IDUA: variants seen among roughly 807,000 people sequenced by gnomAD.
IDUA encodes the protein alpha-L-iduronidase, also known as iduronidase alpha-L-.
A neutral mutation model predicts 68.9 loss-of-function variants in IDUA; 65 were observed. The observed-to-expected ratio is 0.94, with a 90% CI of 0.77 to 1.16. The LOEUF (loss-of-function observed/expected upper bound fraction) is 1.16, where lower values mean the gene tolerates loss of function less well. Ranked by LOEUF, IDUA falls within the 50% of genes most tolerant of loss-of-function variation. IDUA has a pLI of 0.00. For missense variants in IDUA, 1,046 were observed against 938.0 expected, an observed-to-expected ratio of 1.12 and a Z score of -1.50; for synonymous variants, 529 against 433.6, an observed-to-expected ratio of 1.22 and a Z score of -2.73.
At chr4:988,419 C>T (rs749751376) in intron 2 of IDUA, 34 of 1,064,818 alleles carry the variant, frequency 3.2e-5, no homozygotes, top group Non-Finnish European at 3.7e-5. Flanking sequence ...TGGCCAGAGC[C>T]GCTGGCTCCT....
intron 2 of IDUA, chr4:988,623 G>A (rs1187346453): frequency 1.5e-6 from 2 of 1,379,108 alleles, no homozygotes; most frequent in Non-Finnish European, 1.9e-6. Flanking sequence ...CTCGGAGGCA[G>A]AGGTTCTTGA....
At chr4:1,002,527 G>A (rs1715159077) in intron 8 of IDUA, 42 bp downstream of exon 8, 1 of 1,432,462 alleles carries the variant, frequency 7.0e-7, no homozygotes, top group Non-Finnish European at 9.1e-7. Flanking sequence ...GGGCCCTCCA[G>A]GCTGGGGAGC....
At chr4:993,327 G>C (rs1714515771) in intron 2 of IDUA, 1 of 152,246 alleles carries the variant, frequency 6.6e-6, no homozygotes, top group South Asian at 2.1e-4. Context: ...AGGCGCGGAG[G>C]GCCCTGGGAT....
At chr4:987,043 C>A, upstream of IDUA, 2 of 1,511,940 alleles carry the variant, frequency 1.3e-6, no homozygotes, top group Non-Finnish European at 8.8e-7. Context: ...GCGGAACCGG[C>A]AGTGCAGCCC....
At chr4:991,912 G>C in intron 2 of IDUA, 1 of 1,071,192 alleles carries the variant, frequency 9.3e-7, no homozygotes, top group Non-Finnish European at 1.4e-6. Flanking sequence ...TGGACGCTGG[G>C]CCCTGCTGGA....
chr4:997,409 C>A (rs1347842733), intron 2 of IDUA, among the ~76,000 whole-genome samples: 1 of 150,632 alleles, frequency 6.6e-6, no homozygotes, highest in African/African-American at 2.4e-5. Context: ...CGCCTGCGAA[C>A]CCCCATGCAC....
chr4:998,320 G>A (rs1714867467), intron 2 of IDUA, among the ~76,000 whole-genome samples: 2 of 152,204 alleles, frequency 1.3e-5, no homozygotes, highest in African/African-American at 2.4e-5. Flanking sequence ...GAAGGGAGGC[G>A]TTGAGGTGTC....
In IDUA at chr4:987,132, G is replaced by A; in HGVS notation, c.48G>A (p.Ser16=). The change falls in exon 1 of 14, where the codon TCG becomes TCA. Residue 16 remains serine, a synonymous_variant. Coordinates refer to ENST00000514224, the MANE Select transcript of IDUA (RefSeq NM_000203.5). ...CCGCGCTGCTGGCGCTCCTGGCCTC[G>A]CTCCTGGCCGCGCCCCCGGTGGCCC... ...PRAALLALLA[S]LLAAPPVAPA... 2 of 1,412,374 alleles carry A rather than the reference G, an allele frequency of 1.4e-6. No homozygotes were observed. The highest frequency in any genetic ancestry group is 3.0e-5 in the South Asian group (2 of 66,528). The allele number at this position is 1,412,374 out of a possible 1,614,324, so 87.5% of individuals were successfully genotyped here.
chr4:997,288 C>A (rs934551159), intron 2 of IDUA, among the ~76,000 whole-genome samples: 4 of 151,732 alleles, frequency 2.6e-5, no homozygotes, highest in Non-Finnish European at 3.0e-5. Flanking sequence ...GGTCTGTACC[C>A]GCCCCGCGCC....
chr4:999,345 G>A (rs955467089), intron 2 of IDUA, among the ~76,000 whole-genome samples: 1 of 152,184 alleles, frequency 6.6e-6, no homozygotes, highest in Admixed American at 6.5e-5. Context: ...CATATCCCAT[G>A]ATATCCACCC....
chr4:987,640 G>A lies in IDUA; in HGVS notation c.159-169G>A, dbSNP rs1199147350. On this transcript the variant is annotated intron_variant, in intron 1 of 13. Coordinates refer to ENST00000514224, the MANE Select transcript of IDUA (RefSeq NM_000203.5). ...TACTGCTGCTGCCGTTCCCCATGAA[G>A]ATGGGACCTCCCCACATTCCTGGCC... 4.1e-6 allele frequency: 6 copies of A among 1,451,382 alleles called. No homozygotes were observed. The South Asian group carries it at 5.6e-5, about 14-fold the overall frequency. 89.9% of individuals were successfully genotyped at this position (1,451,382 alleles called of 1,614,324 possible).
At chr4:1,002,633 A>C in intron 8 of IDUA, 99 bp from the exon 9 acceptor site, 2 of 1,169,020 alleles carry the variant, frequency 1.7e-6, no homozygotes, top group Non-Finnish European at 1.2e-6. Flanking sequence ...GGACTCCTTC[A>C]CCAAGGGGAG....
chr4:1,003,354 G>A lies in IDUA; in HGVS notation c.1534G>A (p.Ala512Thr), dbSNP rs1165554910. 2 of 1,457,148 alleles carry A rather than the reference G, an allele frequency of 1.4e-6. No individual in the cohort carries two copies. Among genetic ancestry groups the A allele is most frequent in the Middle Eastern group, 2.4e-4 (1 of 4,086 alleles). The allele number at this position is 1,457,148 out of a possible 1,614,324, so 90.3% of individuals were successfully genotyped here. A position where few individuals can be genotyped will look rare whatever the true frequency, so the allele number is the denominator to read the frequency against. ...CGGCCACTGCGCCCAGGACCCGGTG[G>A]CCGCGGCGCCCCGCCCCTTACCCGC... is the stretch of plus-strand genomic sequence containing the variant. Reference protein sequence around the residue: ...RRMRAAEDPVAAAPRPLPAGG... With the variant: ...RRMRAAEDPVTAAPRPLPAGG... Residue 512 changes from alanine (A) to threonine (T), a missense_variant, in exon 11 of 14, where the codon GCC (alanine) becomes ACC (threonine). Ala to Thr is a moderately conservative substitution (Grantham distance 58). Coordinates refer to ENST00000514224, the MANE Select transcript of IDUA (RefSeq NM_000203.5).
intron 9 of IDUA, 33 bp downstream of exon 9, chr4:1,002,977 C>T (rs773632239): frequency 1.4e-6 from 2 of 1,389,612 alleles, no homozygotes; most frequent in African/African-American, 1.5e-5. Context: ...TCTCTGGCCC[C>T]GCTGGGGCTC....
At position 1,002,897 on chromosome 4, in the gene IDUA, G is replaced by T. The variant is rs757952110; in HGVS notation, c.1355G>T (p.Arg452Leu). The T allele has an allele frequency of 1.4e-6, 2 of 1,416,236 alleles. No individual in the cohort carries two copies. The highest frequency in any genetic ancestry group is 1.5e-5 in the African/African-American group (1 of 66,548). The allele number at this position is 1,416,236 out of a possible 1,614,324, so 87.7% of individuals were successfully genotyped here. A position where few individuals can be genotyped will look rare whatever the true frequency, so the allele number is the denominator to read the frequency against. Reference sequence around the variant, plus strand: ...GACGACACCCGCGCCCACCCCAACCGCAGCGTCGCGGTGACCCTGCGGCTG... The same window carrying T: ...GACGACACCCGCGCCCACCCCAACCTCAGCGTCGCGGTGACCCTGCGGCTG... ...ASDDTRAHPN[R>L]SVAVTLRLRG... Residue 452 changes from arginine to leucine, a missense_variant, in exon 9 of 14, where the codon CGC becomes CTC. Coordinates refer to ENST00000514224, the MANE Select transcript of IDUA (RefSeq NM_000203.5).
rs114806891 is a variant in IDUA at position 1,002,080 on chromosome 4, C to T, written c.891C>T (p.Asn297=). The change falls in exon 7 of 14, where the codon AAC becomes AAT. Residue 297 remains asparagine, a synonymous_variant. Coordinates refer to ENST00000514224, the MANE Select transcript of IDUA (RefSeq NM_000203.5). Reference sequence around the variant, plus strand: ...AGTTCGCGGACACCCCCATTTACAACGACGAGGCGGACCCGCTGGTGGGCT... The same window carrying T: ...AGTTCGCGGACACCCCCATTTACAATGACGAGGCGGACCCGCTGGTGGGCT... ...FPKFADTPIY[N]DEADPLVGWS... 94,595 of 1,584,762 alleles carry T rather than the reference C, an allele frequency of 0.06. 3,099 individuals carry two copies. The highest frequency in any genetic ancestry group is 0.15 in the Middle Eastern group (881 of 6,024).
intron 2 of IDUA, chr4:991,275 C>T (rs778985532): frequency 5.6e-6 from 9 of 1,612,582 alleles, no homozygotes; most frequent in Non-Finnish European, 7.6e-6. Context: ...CAAAGCCGGC[C>T]AGCTGGAGCT....
chr4:1,002,616 G>C, intron 8 of IDUA, 116 bp from the exon 9 acceptor site: 2 of 1,174,044 alleles, frequency 1.7e-6, no homozygotes, highest in Non-Finnish European at 2.3e-6. Context: ...CGCGTGGCGG[G>C]GCCTGGGGAC....
At chr4:999,019 A>G (rs1560544321) in intron 2 of IDUA, among the ~76,000 whole-genome samples, 2 of 152,022 alleles carry the variant, frequency 1.3e-5, no homozygotes, top group African/African-American at 2.4e-5. Context: ...CCTGGCTAAC[A>G]TGGTGAAACT....
Sources: allele counts gnomAD v4.1 joint callset (sites outside exome capture counted in the v4.1 genomes callset), GRCh38; gene constraint gnomAD v4.1.1; transcripts MANE v1.5; gene names NCBI Gene and HGNC (gene_info 2026-07-23, HGNC 2026-07-21).